The following SLC44A5 variants were observed in gnomAD, a reference collection of about 807,000 sequenced individuals.
SLC44A5 encodes choline transporter-like protein 5.
In SLC44A5, 57 loss-of-function variants were observed where a neutral mutation model predicts 101.8. That is an observed-to-expected ratio of 0.56 (90% CI 0.45 to 0.70). SLC44A5 has a LOEUF of 0.70. SLC44A5 is among the 30% of genes least tolerant of loss of function. The pLI is 0.00. For synonymous variants in SLC44A5, 281 were observed against 290.9 expected (o/e 0.97, Z 0.35); for missense variants, 737 against 853.1 (o/e 0.86, Z 1.70).
Position 75,528,340 on chromosome 1 carries a change from T to C in SLC44A5, c.13+13095A>G, listed in dbSNP as rs185265005. Among the ~76,000 whole-genome samples the C allele has an allele frequency of 9.8e-5, 15 of 152,296 alleles. No individual in the cohort carries two copies. The East Asian group carries it at 2.7e-3, about 27-fold the overall frequency. ...CAGAATATTCAGGAAGCAAAAAATA[T>C]ATATTTTATAAAATTATGAGAAGGA... On this transcript the variant is annotated intron_variant, in intron 2 of 23. Coordinates refer to ENST00000370859, the MANE Select transcript of SLC44A5 (RefSeq NM_001130058.2).
At chr1:75,436,906 C>T (rs547500563) in intron 2 of SLC44A5, among the ~76,000 whole-genome samples, 1 of 152,038 alleles carries the variant, frequency 6.6e-6, no homozygotes, top group South Asian at 2.1e-4. Flanking sequence ...AAGACATAAA[C>T]ACACATATTA....
At position 75,214,668 on chromosome 1, in the gene SLC44A5, T is replaced by C; in HGVS notation, c.1739A>G (p.Tyr580Cys). 4.3e-6 allele frequency: 7 copies of C among 1,611,170 alleles called. No individual in the cohort carries two copies. Among genetic ancestry groups the C allele is most frequent in the Non-Finnish European group, 5.9e-6 (7 of 1,178,490 alleles). Reference sequence around the variant, plus strand: ...TGCTGACCTGCAGAAGTTTCTGCCATATATTGCAATCTGAGGAAGACAGTG... The same window carrying C: ...TGCTGACCTGCAGAAGTTTCTGCCACATATTGCAATCTGAGGAAGACAGTG... ...NRNAYIMIAI[Y>C]GRNFCRSAKD... is the part of the protein sequence containing the mutation. The change falls in exon 20 of 24, where the codon TAT (tyrosine) becomes TGT (cysteine). Residue 580 changes from tyrosine (Y) to cysteine (C), a missense_variant. By Grantham distance (194) the Tyr-to-Cys change is radical. This residue lies in a region of SLC44A5 where 665 missense variants were observed against 764.4 expected (regional missense o/e 0.87). Coordinates refer to ENST00000370859, the MANE Select transcript of SLC44A5 (RefSeq NM_001130058.2).
chr1:75,457,558 T>C (rs2101681739), intron 2 of SLC44A5, among the ~76,000 whole-genome samples: 1 of 152,190 alleles, frequency 6.6e-6, no homozygotes, highest in South Asian at 2.1e-4. Flanking sequence ...ATTCAAGGCA[T>C]TATAAAAAGT....
chr1:75,267,896 A>C (rs2100719006), intron 6 of SLC44A5, among the ~76,000 whole-genome samples: 1 of 152,266 alleles, frequency 6.6e-6, no homozygotes, highest in South Asian at 2.1e-4. Context: ...AAAAAGCTTA[A>C]TATTTTTCTG....
intron 2 of SLC44A5, among the ~76,000 whole-genome samples, chr1:75,514,993 G>C (rs1013982109): frequency 3.3e-5 from 5 of 152,136 alleles, no homozygotes; most frequent in Admixed American, 3.3e-4. Flanking sequence ...CTCATAGTTA[G>C]ACTGTATGCA....
At chr1:75,582,494 G>T (rs1673752558) in intron 1 of SLC44A5, 4 of 580,686 alleles carry the variant, frequency 6.9e-6, no homozygotes, top group Non-Finnish European at 1.2e-5. Flanking sequence ...GGCCCAGCCT[G>T]CAGCTCCAGC....
intron 2 of SLC44A5, among the ~76,000 whole-genome samples, chr1:75,539,136 T>C (rs928311901): frequency 3.9e-5 from 6 of 152,212 alleles, no homozygotes; most frequent in Non-Finnish European, 7.3e-5. Context: ...GTCACATTGT[T>C]ATTATTATCC....
chr1:75,607,841 A>C (rs1675416458), intron 1 of SLC44A5, among the ~76,000 whole-genome samples: 1 of 151,998 alleles, frequency 6.6e-6, no homozygotes, highest in Non-Finnish European at 1.5e-5. Context: ...GAGTCAATTA[A>C]ACCTCTTTCC....
intron 1 of SLC44A5, among the ~76,000 whole-genome samples, chr1:75,593,827 A>G (rs1472495589): frequency 6.6e-6 from 1 of 152,018 alleles, no homozygotes; most frequent in Non-Finnish European, 1.5e-5. Context: ...GAGTTACCAA[A>G]GGCTGAGAAG....
At chr1:75,399,332 A>G (rs1662329261) in intron 2 of SLC44A5, among the ~76,000 whole-genome samples, 1 of 152,174 alleles carries the variant, frequency 6.6e-6, no homozygotes, top group Non-Finnish European at 1.5e-5. Context: ...GCCACCACCA[A>G]TGATTTATAT....
intron 1 of SLC44A5, among the ~76,000 whole-genome samples, chr1:75,564,599 T>A (rs553586): frequency 0.95 from 142,152 of 149,064 alleles, 67,804 homozygotes; most frequent in East Asian, 0.97. Context: ...ACTTTTTTTT[T>A]AATTTTTATT....
intron 1 of SLC44A5, among the ~76,000 whole-genome samples, chr1:75,573,078 G>T (rs1018678572): frequency 1.6e-5 from 2 of 123,412 alleles, no homozygotes; most frequent in African/African-American, 6.5e-5. Flanking sequence ...AGCTTAGATT[G>T]CACCACCGCG....
At chr1:75,218,034 CA>C in intron 17 of SLC44A5, 74 bp from the exon 18 acceptor site, 1 of 1,017,166 alleles carries the variant, frequency 9.8e-7, no homozygotes, top group Non-Finnish European at 1.5e-6. Context: ...GAATAATTTT[CA>C]CAAGTAAAAG....
At chr1:75,471,773 C>T (rs1422025286) in intron 2 of SLC44A5, among the ~76,000 whole-genome samples, 1 of 151,972 alleles carries the variant, frequency 6.6e-6, no homozygotes, top group Non-Finnish European at 1.5e-5. Context: ...TGGGCATTTA[C>T]TCTTATTCTA....
chr1:75,586,860 A>G (rs1211728797), intron 1 of SLC44A5, among the ~76,000 whole-genome samples: 1 of 152,048 alleles, frequency 6.6e-6, no homozygotes, highest in Non-Finnish European at 1.5e-5. Flanking sequence ...GAATGCATGA[A>G]ATAGAGTAAA....
intron 2 of SLC44A5, among the ~76,000 whole-genome samples, chr1:75,427,635 C>G (rs1664386697): frequency 6.6e-6 from 1 of 152,124 alleles, no homozygotes; most frequent in Admixed American, 6.5e-5. Context: ...GACTCTGCAG[C>G]CAGACTGCCT....
At position 75,353,879 on chromosome 1, in the gene SLC44A5, GCTAAGGAGGGGTGGCAC is replaced by G. The variant is rs1658871005; in HGVS notation, c.53-14266_53-14250del. The G allele has an allele frequency of 1.5e-5, 3 of 196,482 alleles. No homozygotes were observed. The South Asian group carries it at 2.2e-4, about 15-fold the overall frequency. 12.2% of individuals were successfully genotyped at this position (196,482 alleles called of 1,614,324 possible). ...GTAGTCATTCCCTCCTGCTAAGGCAGCTAAGGAGGGGTGGCACCTCCAGCTTTCGGTTCAAAAACAGT... is the reference window on the plus strand; with the variant it reads ...GTAGTCATTCCCTCCTGCTAAGGCAGCTCCAGCTTTCGGTTCAAAAACAGT... On this transcript the variant is annotated intron_variant, in intron 3 of 23. Coordinates refer to ENST00000370859, the MANE Select transcript of SLC44A5 (RefSeq NM_001130058.2).
At chr1:75,358,029 T>C (rs901558202) in intron 3 of SLC44A5, among the ~76,000 whole-genome samples, 9 of 143,044 alleles carry the variant, frequency 6.3e-5, no homozygotes, top group Admixed American at 5.1e-4. Context: ...CACACACACA[T>C]ACAATACACA....
intron 6 of SLC44A5, among the ~76,000 whole-genome samples, chr1:75,266,042 T>C (rs1318519242): frequency 6.6e-6 from 1 of 152,164 alleles, no homozygotes; most frequent in Non-Finnish European, 1.5e-5. Flanking sequence ...CTGTTTCATC[T>C]CTTTGGACAC....
Sources: allele counts gnomAD v4.1 joint callset (sites outside exome capture counted in the v4.1 genomes callset), GRCh38; gene constraint gnomAD v4.1.1; regional missense constraint gnomAD v4.1.1; transcripts MANE v1.5; gene names NCBI Gene and HGNC (gene_info 2026-07-23, HGNC 2026-07-21).